Variants in GYPC observed in about 807,000 individuals in gnomAD.
GYPC encodes glycophorin-C.
In GYPC, 14 loss-of-function variants were observed where a neutral mutation model predicts 12.6. That is an observed-to-expected ratio of 1.11 (90% CI 0.74 to 1.74). GYPC has a LOEUF of 1.74. Ranked by LOEUF, GYPC falls within the 40% of genes most tolerant of loss-of-function variation. GYPC has a pLI of 0.00. For synonymous variants in GYPC, 78 were observed against 62.1 expected, an observed-to-expected ratio of 1.26 and a Z score of -1.20; for missense variants, 225 against 172.1, an observed-to-expected ratio of 1.31 and a Z score of -1.72.
chr2:126,662,978 G>T (rs914710069), intron 1 of GYPC, among the ~76,000 whole-genome samples: 2 of 152,148 alleles, frequency 1.3e-5, no homozygotes, highest in African/African-American at 4.8e-5. Flanking sequence ...CATCTGTGTG[G>T]TCCCACAGAG....
intron 2 of GYPC, among the ~76,000 whole-genome samples, chr2:126,692,305 C>T (rs1054046039): frequency 1.3e-5 from 2 of 152,132 alleles, no homozygotes; most frequent in African/African-American, 4.8e-5. Context: ...TGGCCCCAGA[C>T]ACCCCTAGCT....
intron 2 of GYPC, 136 bp from the exon 3 acceptor site, chr2:126,693,728 G>A (rs545904018): frequency 5.3e-5 from 39 of 738,970 alleles, no homozygotes; most frequent in South Asian, 1.6e-4. Context: ...CAGTGGGTGC[G>A]CCGCACTGCT....
chr2:126,673,698 C>G (rs983311465), intron 1 of GYPC, among the ~76,000 whole-genome samples: 3 of 152,220 alleles, frequency 2.0e-5, no homozygotes, highest in Admixed American at 2.0e-4. Flanking sequence ...CTCAGTTCAA[C>G]CAGGTGCTTT....
At chr2:126,681,783 A>G (rs1275721545) in intron 1 of GYPC, among the ~76,000 whole-genome samples, 1 of 144,244 alleles carries the variant, frequency 6.9e-6, no homozygotes, top group Admixed American at 7.2e-5. Context: ...TCATCCAAAA[A>G]AAAAAAAAAA....
Position 126,693,846 on chromosome 2 carries a change from C to T in GYPC, c.107-18C>T. ...GAATCTTCCTCTCTGACCTCAGATT[C>T]TTGTCCTCTGTTCACAGAGCCTGAT... On this transcript the variant is annotated intron_variant, in intron 2 of 3. Transcript: ENST00000259254. 4 of 1,561,678 alleles carry T rather than the reference C, an allele frequency of 2.6e-6. No individual in the cohort carries two copies. The highest frequency in any genetic ancestry group is 2.2e-5 in the South Asian group (2 of 90,142).
At position 126,685,569 on chromosome 2, in the gene GYPC, G is replaced by C. The variant is rs184874329; in HGVS notation, c.50-4686G>C. Among the ~76,000 whole-genome samples, 3 of 152,200 alleles carry C rather than the reference G, an allele frequency of 2.0e-5. No individual in the cohort carries two copies. In the East Asian group the frequency reaches 5.8e-4, roughly 29 times the overall value. Reference sequence around the variant, plus strand: ...CCAACTAATTTTTGTATTTTTAGTAGAGATGGAATTTCACCATGTTGGTCA... The same window carrying C: ...CCAACTAATTTTTGTATTTTTAGTACAGATGGAATTTCACCATGTTGGTCA... On this transcript the variant is annotated intron_variant, in intron 1 of 3. Coordinates refer to ENST00000259254, the MANE Select transcript of GYPC (RefSeq NM_002101.5).
intron 2 of GYPC, among the ~76,000 whole-genome samples, chr2:126,692,003 T>C (rs975180174): frequency 7.2e-5 from 11 of 152,326 alleles, no homozygotes; most frequent in South Asian, 2.1e-4. Context: ...TTCATTTATA[T>C]ATGCATGCAT....
chr2:126,682,856 C>A (rs1380010874), intron 1 of GYPC, among the ~76,000 whole-genome samples: 1 of 152,190 alleles, frequency 6.6e-6, no homozygotes, highest in South Asian at 2.1e-4. Context: ...GCTGACCAAG[C>A]CCCAGGAGCT....
At chr2:126,695,747 A>G (rs13023891) in intron 3 of GYPC, among the ~76,000 whole-genome samples, 199 bp from the exon 4 acceptor site, 1 of 152,250 alleles carries the variant, frequency 6.6e-6, no homozygotes, top group Non-Finnish European at 1.5e-5. Flanking sequence ...GGTTTGGAGT[A>G]TTAAATGCAT....
Position 126,691,499 on chromosome 2 carries a change from G to T in GYPC, c.106+1188G>T, listed in dbSNP as rs138736329. ...TGCAGACTCACCCCAGTCCTCAATC[G>T]CCAGGAGGGAATGGGAGCAGGGTAG... On this transcript the variant is annotated intron_variant, in intron 2 of 3. Transcript: ENST00000259254. Among the ~76,000 whole-genome samples the T allele has an allele frequency of 5.1e-4, 78 of 152,218 alleles. 1 individual carries two copies. The East Asian group carries it at 8.7e-3, about 17-fold the overall frequency.
chr2:126,681,856 C>G (rs1293849572), intron 1 of GYPC, among the ~76,000 whole-genome samples: 1 of 152,062 alleles, frequency 6.6e-6, no homozygotes, highest in Admixed American at 6.5e-5. Flanking sequence ...ATGGTCTGGC[C>G]ATGAGTATCG....
intron 1 of GYPC, chr2:126,686,112 A>G: frequency 6.1e-6 from 6 of 985,362 alleles, no homozygotes; most frequent in African/African-American, 1.7e-5. Flanking sequence ...ACGCAGGAAA[A>G]AAAGAGAACT....
At position 126,694,395 on chromosome 2, in the gene GYPC, G is replaced by T. The variant is rs1269385514; in HGVS notation, c.190+448G>T. Among the ~76,000 whole-genome samples, 3 of 152,090 alleles carry T rather than the reference G, an allele frequency of 2.0e-5. No individual in the cohort carries two copies. The East Asian group carries it at 5.8e-4, about 29-fold the overall frequency. On this transcript the variant is annotated intron_variant, in intron 3 of 3. Coordinates refer to ENST00000259254, the MANE Select transcript of GYPC (RefSeq NM_002101.5). ...CCTTGCTTTGAACCCTGGGCAAGGG[G>T]CTCCCCATGGGTCATGGCTGTGACT...
intron 1 of GYPC, among the ~76,000 whole-genome samples, chr2:126,663,317 T>A (rs977995347): frequency 6.6e-6 from 1 of 152,204 alleles, no homozygotes; most frequent in South Asian, 2.1e-4. Context: ...ATTATAGGCA[T>A]GAGCCACCAC....
intron 1 of GYPC, among the ~76,000 whole-genome samples, chr2:126,687,271 G>A (rs575525142): frequency 4.6e-5 from 7 of 152,288 alleles, no homozygotes; most frequent in African/African-American, 9.6e-5. Context: ...TGATGTCACC[G>A]CTTCTGGAAG....
chr2:126,658,605 C>T (rs1208086133), intron 1 of GYPC: 1 of 152,150 alleles, frequency 6.6e-6, no homozygotes, highest in Non-Finnish European at 1.5e-5. Context: ...CAAAACCAAA[C>T]AAACAGTAAA....
At chr2:126,683,228 G>A (rs550670646) in intron 1 of GYPC, among the ~76,000 whole-genome samples, 267 of 152,220 alleles carry the variant, frequency 1.8e-3, no homozygotes, top group Non-Finnish European at 3.1e-3. Context: ...CTGAGGCAGG[G>A]AGAATCACTT....
At chr2:126,677,417 G>A (rs1180013629) in intron 1 of GYPC, among the ~76,000 whole-genome samples, 1 of 150,758 alleles carries the variant, frequency 6.6e-6, no homozygotes, top group Admixed American at 6.6e-5. Flanking sequence ...GTGTAAGTGT[G>A]TGAGAGAATG....
intron 1 of GYPC, chr2:126,679,905 C>T (rs778832714): frequency 3.9e-5 from 6 of 152,110 alleles, no homozygotes; most frequent in Admixed American, 6.5e-5. Flanking sequence ...ACAGAAAAAG[C>T]ATCTTAATGG....
Sources: gnomAD v4.1 joint callset for allele counts (sites outside exome capture counted in the v4.1 genomes callset) on GRCh38, gnomAD v4.1.1 for gene constraint, MANE v1.5 for transcripts, NCBI Gene and HGNC (gene_info 2026-07-23, HGNC 2026-07-21) for gene names.